Variants in ZFHX3 observed in about 807,000 individuals in gnomAD.
ZFHX3 encodes the protein zinc finger homeobox 3.
A neutral mutation model predicts 279.1 loss-of-function variants in ZFHX3; 42 were observed. The ratio of observed to expected loss-of-function variants is 0.15; its 90% CI spans 0.12 to 0.19. The LOEUF is 0.19. Ranked by LOEUF, ZFHX3 falls within the 10% of genes least tolerant of loss-of-function variation. ZFHX3 has a pLI of 1.00. For missense variants in ZFHX3, 4,981 were observed against 4,754.0 expected, an observed-to-expected ratio of 1.05 and a Z score of -1.40; for synonymous variants, 2,293 against 1,957.8, an observed-to-expected ratio of 1.17 and a Z score of -4.52.
intron 3 of ZFHX3, among the ~76,000 whole-genome samples, chr16:72,918,630 G>T (rs2039503257): frequency 6.6e-6 from 1 of 151,892 alleles, no homozygotes; most frequent in South Asian, 2.1e-4. Flanking sequence ...GGTGGCCCTG[G>T]ACTCCTTTGT....
chr16:73,755,052 A>G (rs2053795950), intron 1 of ZFHX3, among the ~76,000 whole-genome samples: 1 of 152,322 alleles, frequency 6.6e-6, no homozygotes, highest in East Asian at 1.9e-4. Flanking sequence ...TTTACATACA[A>G]CATAATTGAA....
chr16:72,880,872 G>A (rs1310170623), intron 4 of ZFHX3, among the ~76,000 whole-genome samples: 1 of 152,128 alleles, frequency 6.6e-6, no homozygotes, highest in Non-Finnish European at 1.5e-5. Context: ...TCCTTTCAAA[G>A]TCCCTCAAAA....
chr16:73,837,672 C>A (rs1159090931), intron 1 of ZFHX3, among the ~76,000 whole-genome samples: 1 of 152,004 alleles, frequency 6.6e-6, no homozygotes, highest in Non-Finnish European at 1.5e-5. Flanking sequence ...GAGTTTCGCT[C>A]TTGTTGCCCA....
At position 72,958,205 on chromosome 16, in the gene ZFHX3, C is replaced by T. The variant is rs963243958; in HGVS notation, c.1941G>A (p.Thr647=). 2.0e-5 allele frequency: 33 copies of T among 1,611,890 alleles called. No homozygotes were observed. The highest frequency in any genetic ancestry group is 1.7e-4 in the Middle Eastern group (1 of 6,060). The part of the protein sequence containing the change: ...GSGVECPKCD[T]VLGSSRSLGG... Reference sequence around the variant, plus strand: ...CCAGCGAGCGGGAGGAGCCCAGGACCGTGTCGCATTTGGGGCACTCCACGC... The same window carrying T: ...CCAGCGAGCGGGAGGAGCCCAGGACTGTGTCGCATTTGGGGCACTCCACGC... The change falls in exon 2 of 10, where the codon ACG becomes ACA. Residue 647 remains threonine (T), a synonymous_variant. Transcript: ENST00000268489.
At chr16:73,792,938 C>CAG (rs1026893366) in intron 1 of ZFHX3, among the ~76,000 whole-genome samples, 16 of 147,218 alleles carry the variant, frequency 1.1e-4, no homozygotes, top group African/African-American at 4.0e-4. Context: ...ACGTTTGTTA[C>CAG]AGAGAGCAGG....
At position 72,837,030 on chromosome 16, in the gene ZFHX3, G is replaced by A. The variant is rs577774261; in HGVS notation, c.3449-7171C>T. Among the ~76,000 whole-genome samples the A allele has an allele frequency of 1.1e-4, 17 of 152,280 alleles. No individual in the cohort carries two copies. In the South Asian group the frequency reaches 2.5e-3, roughly 22 times the overall value. On this transcript the variant is annotated intron_variant, in intron 4 of 9. Coordinates refer to ENST00000268489, the MANE Select transcript of ZFHX3 (RefSeq NM_006885.4). ...ACATTCATGCCCATTTGCTCTCTGCGTGTATGATAAGCAAATGGGCCTCCC... is the reference window on the plus strand; with the variant it reads ...ACATTCATGCCCATTTGCTCTCTGCATGTATGATAAGCAAATGGGCCTCCC...
chr16:73,309,565 G>A (rs2015274128), intron 4 of ZFHX3, among the ~76,000 whole-genome samples: 1 of 152,160 alleles, frequency 6.6e-6, no homozygotes, highest in Non-Finnish European at 1.5e-5. Context: ...TGTGGGAAGC[G>A]ACAGATGAGA....
rs1009389613 is a variant in ZFHX3, at chr16:73,230,408, G to A, written c.-1104+26639C>T. Among the ~76,000 whole-genome samples the A allele has an allele frequency of 2.6e-5, 4 of 152,294 alleles. No homozygotes were observed. The East Asian group carries it at 7.7e-4, about 29-fold the overall frequency. Reference sequence around the variant, plus strand: ...AAATTAGTCAGTCTCGAAGAGCCCTGAAGTTTCATAATAAGTGTCTCAATG... The same window carrying A: ...AAATTAGTCAGTCTCGAAGAGCCCTAAAGTTTCATAATAAGTGTCTCAATG... On this transcript the variant is annotated intron_variant, in intron 5 of 17. Transcript: ENST00000641206.
Position 72,959,672 on chromosome 16 carries a change from C to T in ZFHX3, c.474G>A (p.Gly158=). The change falls in exon 2 of 10, where the codon GGG becomes GGA. Residue 158 remains glycine (G), a synonymous_variant. Coordinates refer to ENST00000268489, the MANE Select transcript of ZFHX3 (RefSeq NM_006885.4). ...GGAGAGGCCCACTGCCACTGCCACT[C>T]CCACAGGCGCCCCCGCCCTGGGTCA... ...SQLTQGGGAC[G]SGSGSGPLPS... 1 of 1,613,888 alleles carries T rather than the reference C, an allele frequency of 6.2e-7. No individual in the cohort carries two copies. Among genetic ancestry groups the T allele is most frequent in the Non-Finnish European group, 8.5e-7 (1 of 1,179,954 alleles).
chr16:73,519,845 A>G (rs774702326), intron 2 of ZFHX3, among the ~76,000 whole-genome samples: 1 of 152,322 alleles, frequency 6.6e-6, no homozygotes, highest in Non-Finnish European at 1.5e-5. Flanking sequence ...TGGAAGTGGC[A>G]TTGCTCACAA....
intron 3 of ZFHX3, among the ~76,000 whole-genome samples, chr16:72,933,473 T>C (rs1220119443): frequency 6.6e-6 from 1 of 151,140 alleles, no homozygotes; most frequent in Non-Finnish European, 1.5e-5. Context: ...ACCAAGGAGA[T>C]GAGTTGAAAA....
intron 3 of ZFHX3, among the ~76,000 whole-genome samples, chr16:73,403,424 G>A (rs1269583083): frequency 6.6e-6 from 1 of 152,212 alleles, no homozygotes; most frequent in African/African-American, 2.4e-5. Context: ...ATGCAATTGT[G>A]CATCTGCACG....
chr16:73,272,197 T>C (rs772546795), intron 4 of ZFHX3, among the ~76,000 whole-genome samples: 1 of 152,238 alleles, frequency 6.6e-6, no homozygotes. Flanking sequence ...TTTTAAAAAA[T>C]TTTAAGTGCT....
chr16:73,720,719 T>C (rs1342137714), intron 1 of ZFHX3, among the ~76,000 whole-genome samples: 3 of 152,232 alleles, frequency 2.0e-5, no homozygotes, highest in African/African-American at 7.2e-5. Context: ...TTTTGTTTTC[T>C]CTCATACTTT....
upstream of ZFHX3, among the ~76,000 whole-genome samples, chr16:73,051,576 C>T (rs1965450825): frequency 2.0e-5 from 3 of 152,200 alleles, no homozygotes; most frequent in African/African-American, 7.2e-5. Flanking sequence ...ACCCCCAAAT[C>T]GTAGGTGGAA....
chr16:73,285,160 C>T (rs928498487), intron 4 of ZFHX3, among the ~76,000 whole-genome samples: 1 of 152,092 alleles, frequency 6.6e-6, no homozygotes, highest in African/African-American at 2.4e-5. Flanking sequence ...TGGTTGCAAC[C>T]CTTGAGAAAG....
chr16:72,871,342 AT>A (rs539356987), intron 4 of ZFHX3, among the ~76,000 whole-genome samples: 299 of 119,156 alleles, frequency 2.5e-3, no homozygotes, highest in Middle Eastern at 0.018. Flanking sequence ...TGCCCGGCTA[AT>A]TTTTTTTTTT....
intron 8 of ZFHX3, among the ~76,000 whole-genome samples, chr16:73,082,879 TAAAAC>T (rs955812128): frequency 6.6e-5 from 10 of 152,012 alleles, no homozygotes; most frequent in Non-Finnish European, 1.0e-4. Flanking sequence ...AAACAGTATT[TAAAAC>T]AAAACAAAAC....
At chr16:72,798,928 A>G (rs1473745676) in intron 8 of ZFHX3, among the ~76,000 whole-genome samples, 1 of 152,252 alleles carries the variant, frequency 6.6e-6, no homozygotes, top group Non-Finnish European at 1.5e-5. Flanking sequence ...GCACATGAAC[A>G]GAGATGGATA....
Sources: gnomAD v4.1 joint callset for allele counts (sites outside exome capture counted in the v4.1 genomes callset) on GRCh38, gnomAD v4.1.1 for gene constraint, MANE v1.5 for transcripts, NCBI Gene and HGNC (gene_info 2026-07-23, HGNC 2026-07-21) for gene names.